GRIK2: variants seen among roughly 807,000 people sequenced by gnomAD.
GRIK2 encodes the protein glutamate receptor ionotropic, kainate 2.
A neutral mutation model predicts 100.3 loss-of-function variants in GRIK2; 32 were observed. The observed-to-expected ratio is 0.32, with a 90% CI of 0.24 to 0.43. GRIK2 has a LOEUF of 0.43. Among genes scored for constraint, GRIK2 ranks in the 20% least tolerant of loss-of-function variants. The pLI, the probability that GRIK2 is intolerant of heterozygous loss-of-function variation, is 1.00. For synonymous variants in GRIK2, 417 were observed against 389.4 expected (o/e 1.07, Z -0.83); for missense variants, 843 against 1,114.9 (o/e 0.76, Z 3.47).
At chr6:102,022,511 A>C (rs1194560141) in intron 14 of GRIK2, among the ~76,000 whole-genome samples, 1 of 151,698 alleles carries the variant, frequency 6.6e-6, no homozygotes, top group Admixed American at 6.6e-5. Context: ...CGTGTGGCAG[A>C]GTGACGGCAT....
intron 12 of GRIK2, among the ~76,000 whole-genome samples, chr6:101,919,047 G>A (rs988974443): frequency 2.0e-5 from 3 of 151,692 alleles, no homozygotes; most frequent in Non-Finnish European, 4.4e-5. Flanking sequence ...AAGGCATAAT[G>A]AGACAATGGG....
intron 2 of GRIK2, among the ~76,000 whole-genome samples, chr6:101,586,586 G>C (rs1247565224): frequency 6.6e-6 from 1 of 151,870 alleles, no homozygotes; most frequent in Non-Finnish European, 1.5e-5. Context: ...TTGACACTGA[G>C]AGTTAGAAAT....
intron 7 of GRIK2, among the ~76,000 whole-genome samples, chr6:101,791,133 T>G (rs1779822843): frequency 6.6e-6 from 1 of 152,228 alleles, no homozygotes; most frequent in Non-Finnish European, 1.5e-5. Context: ...AGTCTATCAA[T>G]TTTGTTGATC....
At chr6:101,873,121 G>C (rs1288868062) in intron 11 of GRIK2, among the ~76,000 whole-genome samples, 1 of 151,958 alleles carries the variant, frequency 6.6e-6, no homozygotes, top group African/African-American at 2.4e-5. Flanking sequence ...TATACATTAA[G>C]TTCTAGGGTA....
At chr6:101,621,887 T>A in intron 2 of GRIK2, 62 bp from the exon 3 acceptor site, 2 of 1,151,672 alleles carry the variant, frequency 1.7e-6, no homozygotes, top group Non-Finnish European at 2.6e-6. Context: ...ATATTTTCTT[T>A]ATCTTGTGAA....
chr6:101,584,843 A>AT (rs1242978284), intron 2 of GRIK2, among the ~76,000 whole-genome samples: 1 of 226 alleles, frequency 4.4e-3, no homozygotes, highest in Non-Finnish European at 9.4e-3. Flanking sequence ...TACACATCAA[A>AT]AATGCAAAAA....
chr6:101,641,882 T>C (rs184014386), intron 4 of GRIK2, among the ~76,000 whole-genome samples: 56 of 152,066 alleles, frequency 3.7e-4, no homozygotes, highest in Non-Finnish European at 6.3e-4. Context: ...ATGACTTTTT[T>C]CTTTTATGTG....
intron 2 of GRIK2, among the ~76,000 whole-genome samples, chr6:101,464,449 A>G (rs1771506292): frequency 6.7e-6 from 1 of 148,984 alleles, no homozygotes; most frequent in African/African-American, 2.5e-5. Context: ...TGTCATTATA[A>G]GTCACTGCAT....
intron 12 of GRIK2, among the ~76,000 whole-genome samples, chr6:101,895,924 A>C (rs1048524496): frequency 2.6e-5 from 4 of 151,776 alleles, no homozygotes; most frequent in African/African-American, 9.7e-5. Context: ...GATTGCTAAA[A>C]TTGATTAAAT....
At chr6:101,903,637 A>G (rs1183477061) in intron 12 of GRIK2, among the ~76,000 whole-genome samples, 1 of 151,762 alleles carries the variant, frequency 6.6e-6, no homozygotes, top group African/African-American at 2.4e-5. Context: ...TGTAAGAAAC[A>G]TGAATCATTA....
chr6:102,017,456 C>T (rs1268230527), intron 14 of GRIK2, among the ~76,000 whole-genome samples: 1 of 152,080 alleles, frequency 6.6e-6, no homozygotes, highest in Non-Finnish European at 1.5e-5. Context: ...TAAAGCCAAA[C>T]CATATCAATT....
intron 2 of GRIK2, among the ~76,000 whole-genome samples, chr6:101,490,475 G>A (rs1773048597): frequency 6.8e-6 from 1 of 146,602 alleles, no homozygotes; most frequent in South Asian, 2.2e-4. Context: ...TGCCACAGGT[G>A]TTCAAAGGAG....
At chr6:101,767,950 A>G (rs55909656) in intron 7 of GRIK2, among the ~76,000 whole-genome samples, 4,040 of 152,110 alleles carry the variant, frequency 0.027, 122 homozygotes, top group African/African-American at 0.071. Context: ...CTTGTACCAC[A>G]CAGGCTCAAG....
In GRIK2 at chr6:101,500,575, A is replaced by G. The variant is rs563320113; in HGVS notation, c.115+101183A>G. ...AAGTTTTCGGTCTCTAATTATTAAT[A>G]AACTTAAAATAGGTCAACTAGAGCT... On this transcript the variant is annotated intron_variant, in intron 2 of 16. Coordinates refer to ENST00000369134, the MANE Select transcript of GRIK2 (RefSeq NM_021956.5). Among the ~76,000 whole-genome samples, 3 of 152,254 alleles carry G rather than the reference A, an allele frequency of 2.0e-5. No homozygotes were observed. The South Asian group carries it at 6.2e-4, about 32-fold the overall frequency.
intron 14 of GRIK2, among the ~76,000 whole-genome samples, chr6:102,031,137 A>G (rs1044216979): frequency 1.5e-5 from 2 of 132,874 alleles, no homozygotes; most frequent in Non-Finnish European, 3.3e-5. Flanking sequence ...ACCCCCTTTG[A>G]GTTTCTGGAT....
chr6:101,751,382 T>G (rs1583072383), intron 7 of GRIK2, among the ~76,000 whole-genome samples: 1 of 152,198 alleles, frequency 6.6e-6, no homozygotes, highest in East Asian at 1.9e-4. Context: ...GGCATCTTAT[T>G]TCTTTGTCCT....
At chr6:101,960,462 A>G (rs1366872511) in intron 14 of GRIK2, among the ~76,000 whole-genome samples, 1 of 151,950 alleles carries the variant, frequency 6.6e-6, no homozygotes, top group East Asian at 1.9e-4. Flanking sequence ...AGAAATTGTC[A>G]TTTATTTTTT....
At position 101,689,663 on chromosome 6, in the gene GRIK2, T is replaced by G. The variant is rs911120672; in HGVS notation, c.951+3310T>G. On this transcript the variant is annotated intron_variant, in intron 7 of 16. Transcript: ENST00000369134. ...CCAAGGAACCAACTCACACAGTACT[T>G]CCAAGCCTGATCTAGTTAAGGAGGA... 2.6e-5 allele frequency among the ~76,000 whole-genome samples: 4 copies of G among 152,104 alleles called. No individual in the cohort carries two copies. In the East Asian group the frequency reaches 5.8e-4, roughly 22 times the overall value.
intron 3 of GRIK2, among the ~76,000 whole-genome samples, chr6:101,623,708 A>C (rs1780292030): frequency 6.6e-6 from 1 of 152,170 alleles, no homozygotes; most frequent in Non-Finnish European, 1.5e-5. Flanking sequence ...ATATTATAAG[A>C]AATTTACAAG....
Sources: gnomAD v4.1 joint callset for allele counts (sites outside exome capture counted in the v4.1 genomes callset) on GRCh38, gnomAD v4.1.1 for gene constraint, MANE v1.5 for transcripts, NCBI Gene and HGNC (gene_info 2026-07-23, HGNC 2026-07-21) for gene names.